IL31RA: variants seen among roughly 807,000 people sequenced by gnomAD.
IL31RA encodes the protein interleukin 31 receptor A.
IL31RA carries 66 observed loss-of-function variants against 83.7 expected under a neutral mutation model. That is an observed-to-expected ratio of 0.79 (90% CI 0.65 to 0.97). The LOEUF (loss-of-function observed/expected upper bound fraction) is 0.97, where lower values mean the gene tolerates loss of function less well. Among genes scored for constraint, IL31RA ranks in the 50% least tolerant of loss-of-function variants. IL31RA has a pLI of 0.00. For synonymous variants in IL31RA, 325 were observed against 329.0 expected, an observed-to-expected ratio of 0.99 and a Z score of 0.13; for missense variants, 798 against 919.4, an observed-to-expected ratio of 0.87 and a Z score of 1.71.
the IL31RA span, among the ~76,000 whole-genome samples, chr5:55,846,046 C>T: frequency 1.3e-5 from 2 of 152,162 alleles, no homozygotes; most frequent in African/African-American, 2.4e-5. Context: ...AGTGATTTAA[C>T]AATGATAATT....
At chr5:55,853,387 T>G in intron 1 of IL31RA, 1 of 1,385,068 alleles carries the variant, frequency 7.2e-7, no homozygotes. Context: ...GGGCTGGGCT[T>G]AAAAGCACAA....
At chr5:55,849,298 A>C (rs1745000457), upstream of IL31RA, among the ~76,000 whole-genome samples, 1 of 151,302 alleles carries the variant, frequency 6.6e-6, no homozygotes, top group Admixed American at 6.6e-5. Flanking sequence ...AATTTTAGAC[A>C]TTATCTATTG....
chr5:55,882,859 A>G (rs1747327022), intron 4 of IL31RA, among the ~76,000 whole-genome samples, 185 bp from the exon 5 acceptor site: 1 of 152,002 alleles, frequency 6.6e-6, no homozygotes, highest in African/African-American at 2.4e-5. Flanking sequence ...CTCACTGGGT[A>G]TTCCTTTTTC....
At chr5:55,915,538 A>C (rs1323179137) in intron 14 of IL31RA, among the ~76,000 whole-genome samples, 1 of 152,250 alleles carries the variant, frequency 6.6e-6, no homozygotes, top group African/African-American at 2.4e-5. Context: ...ACGTAGAAAC[A>C]AGCCCAATCA....
upstream of IL31RA, among the ~76,000 whole-genome samples, chr5:55,851,022 G>T (rs1490313018): frequency 1.3e-5 from 2 of 152,080 alleles, no homozygotes; most frequent in South Asian, 2.1e-4. Context: ...TTCAACCCGG[G>T]AGGTGGAGGT....
chr5:55,886,721 G>C (rs897515694), intron 5 of IL31RA, among the ~76,000 whole-genome samples: 1 of 152,162 alleles, frequency 6.6e-6, no homozygotes, highest in Admixed American at 6.5e-5. Flanking sequence ...GGCATCTACC[G>C]ATCCCTTCAC....
chr5:55,840,508 G>C, the IL31RA span, among the ~76,000 whole-genome samples: 3 of 152,232 alleles, frequency 2.0e-5, no homozygotes, highest in Admixed American at 1.3e-4. Flanking sequence ...CGCTGCCTTT[G>C]TGGAACTTAC....
intron 4 of IL31RA, among the ~76,000 whole-genome samples, chr5:55,876,370 C>A (rs1746850517): frequency 6.6e-6 from 1 of 152,216 alleles, no homozygotes; most frequent in Non-Finnish European, 1.5e-5. Flanking sequence ...CATGCCACTA[C>A]ACTCCAGCCT....
At position 55,872,429 on chromosome 5, in the gene IL31RA, A is replaced by G. The variant is rs148785939; in HGVS notation, c.432A>G (p.Thr144=). ...NGDGVIKSHM[T]YWRLENIAKT... ...ATGGTGTAATTAAATCTCATATGAC[A>G]TACTGGAGATTAGAGAACATAGGTA... Residue 144 remains threonine (T), a synonymous_variant, in exon 4 of 15, where the codon ACA becomes ACG. Transcript: ENST00000652347. The G allele has an allele frequency of 1.5e-3, 2,394 of 1,604,496 alleles. 8 individuals are homozygous for G. Among genetic ancestry groups the G allele is most frequent in the Middle Eastern group, 6.0e-3 (36 of 6,002 alleles).
chr5:55,922,066 G>T lies in IL31RA; in HGVS notation c.*4946G>T, dbSNP rs1245890345. Among the ~76,000 whole-genome samples, 1 of 130,900 alleles carries T rather than the reference G, an allele frequency of 7.6e-6. No homozygotes were observed. The highest frequency in any genetic ancestry group is 1.7e-5 in the Non-Finnish European group (1 of 60,406). The allele number at this position is 130,900 out of a possible 152,430, so 85.9% of individuals were successfully genotyped here. A position where few individuals can be genotyped will look rare whatever the true frequency, so the allele number is the denominator to read the frequency against. ...TCTTATGTTGTGGCGGGGGGGGGGGGCGGTTCCTGAAGAGTGGAGTGTGAC... is the reference window on the plus strand; with the variant it reads ...TCTTATGTTGTGGCGGGGGGGGGGGTCGGTTCCTGAAGAGTGGAGTGTGAC... On this transcript the variant is annotated 3_prime_UTR_variant, in exon 15 of 15. Transcript: ENST00000652347.
At chr5:55,879,212 G>A (rs1160772114) in intron 4 of IL31RA, among the ~76,000 whole-genome samples, 1 of 151,932 alleles carries the variant, frequency 6.6e-6, no homozygotes, top group Non-Finnish European at 1.5e-5. Flanking sequence ...TCTTTAGTTG[G>A]TAGAAGGGAA....
intron 8 of IL31RA, among the ~76,000 whole-genome samples, chr5:55,900,428 G>A (rs1204694950): frequency 6.6e-6 from 1 of 152,202 alleles, no homozygotes; most frequent in Non-Finnish European, 1.5e-5. Context: ...CTGGGTGAAT[G>A]TAAGCTGGGT....
chr5:55,909,707 C>CTT lies in IL31RA; in HGVS notation c.1502-812_1502-811dup, dbSNP rs113348837. The stretch of plus-strand genomic sequence containing the variant: ...ATGTAGTTTTTGCCCATTTGTATAT[C>CTT]TTTTTTTTTTTTTTGAGACGGAGTT... On this transcript the variant is annotated intron_variant, in intron 11 of 14. Transcript: ENST00000652347. Among the ~76,000 whole-genome samples, 1,327 of 143,300 alleles carry CTT rather than the reference C, an allele frequency of 9.3e-3. 27 individuals are homozygous for CTT. Among genetic ancestry groups the CTT allele is most frequent in the African/African-American group, 0.027 (1,061 of 38,694 alleles). The allele number at this position is 143,300 out of a possible 152,430, so 94.0% of individuals were successfully genotyped here.
chr5:55,908,827 A>G (rs190382229), intron 11 of IL31RA: 212 of 1,387,934 alleles, frequency 1.5e-4, no homozygotes, highest in Middle Eastern at 2.7e-4. Flanking sequence ...ATCTCCTGAC[A>G]TCTTAAATAC....
At chr5:55,907,508 TC>T in intron 10 of IL31RA, 48 bp downstream of exon 10, 1 of 1,249,714 alleles carries the variant, frequency 8.0e-7, no homozygotes, top group Non-Finnish European at 1.2e-6. Context: ...GTGTGACCTG[TC>T]CCACATGCCG....
Position 55,922,271 on chromosome 5 carries a change from G to A in IL31RA, c.*5151G>A. 1 of 769,086 alleles carries A rather than the reference G, an allele frequency of 1.3e-6. No individual in the cohort carries two copies. Among genetic ancestry groups the A allele is most frequent in the South Asian group, 1.5e-5 (1 of 67,948 alleles). The allele number at this position is 769,086 out of a possible 1,614,324, so 47.6% of individuals were successfully genotyped here. On this transcript the variant is annotated 3_prime_UTR_variant, in exon 15 of 15. Coordinates refer to ENST00000652347, the MANE Select transcript of IL31RA (RefSeq NM_139017.7). Reference sequence around the variant, plus strand: ...ACGCTTGTCGTGTGCTGATGAAAAGGGCTGGGGAGAAGCAAGGGGCAGGGG... The same window carrying A: ...ACGCTTGTCGTGTGCTGATGAAAAGAGCTGGGGAGAAGCAAGGGGCAGGGG...
rs974317019 is a variant in IL31RA, at chr5:55,920,804, A to G, written c.*3684A>G. On this transcript the variant is annotated 3_prime_UTR_variant, in exon 15 of 15. Coordinates refer to ENST00000652347, the MANE Select transcript of IL31RA (RefSeq NM_139017.7). ...TTACTGGTTCCCCACCAGCCCTCCT[A>G]AATTCCTGTCCCCTTCCCATAGCTA... 3.9e-5 allele frequency among the ~76,000 whole-genome samples: 6 copies of G among 152,106 alleles called. No homozygotes were observed. Among genetic ancestry groups the G allele is most frequent in the African/African-American group, 1.4e-4 (6 of 41,416 alleles).
chr5:55,895,298 G>A (rs1200614842), intron 6 of IL31RA, among the ~76,000 whole-genome samples: 1 of 152,162 alleles, frequency 6.6e-6, no homozygotes, highest in Non-Finnish European at 1.5e-5. Flanking sequence ...GGCTAAGGTG[G>A]GTGGGTCGTT....
In IL31RA at chr5:55,917,022, G is replaced by C; in HGVS notation, c.2197G>C (p.Glu733Gln). ...AAGTTTAGTACCAGATCATCTGTGT[G>C]AGGAAGGAGCCCCAAATCCATATTT... ...GQSLVPDHLC[E>Q]EGAPNPYLKN... is the part of the protein sequence containing the mutation. The change falls in exon 15 of 15, where the codon GAG becomes CAG. Residue 733 changes from glutamate (E) to glutamine (Q), a missense_variant. Physicochemically the swap from Glu to Gln is conservative, Grantham distance 29. Coordinates refer to ENST00000652347, the MANE Select transcript of IL31RA (RefSeq NM_139017.7). 1 of 1,614,214 alleles carries C rather than the reference G, an allele frequency of 6.2e-7. No homozygotes were observed. The highest frequency in any genetic ancestry group is 1.1e-5 in the South Asian group (1 of 91,078).
Sources: gnomAD v4.1 joint callset for allele counts (sites outside exome capture counted in the v4.1 genomes callset) on GRCh38, gnomAD v4.1.1 for gene constraint, MANE v1.5 for transcripts, NCBI Gene and HGNC (gene_info 2026-07-23, HGNC 2026-07-21) for gene names.